The following PIAS2 variants were observed in gnomAD, a reference collection of about 807,000 sequenced individuals.
PIAS2 encodes the protein E3 SUMO-protein ligase PIAS2.
In PIAS2, 19 loss-of-function variants were observed where a neutral mutation model predicts 69.7. The observed-to-expected ratio is 0.27, with a 90% CI of 0.19 to 0.40. PIAS2 has a LOEUF of 0.40. Ranked by LOEUF, PIAS2 falls within the 10% of genes least tolerant of loss-of-function variation. The pLI is 1.00. For missense variants in PIAS2, 624 were observed against 757.0 expected, an observed-to-expected ratio of 0.82 and a Z score of 2.06; for synonymous variants, 261 against 263.2, an observed-to-expected ratio of 0.99 and a Z score of 0.08.
chr18:46,917,360 G>GGGCGTCGCCGCCGCT lies in PIAS2; in HGVS notation c.-16_-15insAGCGGCGGCGACGCC, dbSNP rs1481069983. 6.8e-7 allele frequency: 1 copy of GGGCGTCGCCGCCGCT among 1,460,982 alleles called. No homozygotes were observed. Among genetic ancestry groups the GGGCGTCGCCGCCGCT allele is most frequent in the Non-Finnish European group, 9.1e-7 (1 of 1,101,014 alleles). The allele number at this position is 1,460,982 out of a possible 1,614,324, so 90.5% of individuals were successfully genotyped here. A position where few individuals can be genotyped will look rare whatever the true frequency, so the allele number is the denominator to read the frequency against. ...AAATCCGCCATTTTATACCACCCGCGGGCGCCGCCGCCGCTGCCGCCGCAC... is the reference window on the plus strand; with the variant it reads ...AAATCCGCCATTTTATACCACCCGCGGGCGTCGCCGCCGCTGGCGCCGCCGCCGCTGCCGCCGCAC... On this transcript the variant is annotated 5_prime_UTR_variant, in exon 1 of 14. Transcript: ENST00000585916.
rs958050568 is a variant in PIAS2 at position 46,812,271 on chromosome 18, T to C, written c.*162A>G. On this transcript the variant is annotated 3_prime_UTR_variant, in exon 14 of 14. Transcript: ENST00000585916. Reference sequence around the variant, plus strand: ...ATCCTTGCATGTCATTTGGTTCTTGTTGCAGTCTTCTGTGTTCACCCCTCA... The same window carrying C: ...ATCCTTGCATGTCATTTGGTTCTTGCTGCAGTCTTCTGTGTTCACCCCTCA... 13 of 543,812 alleles carry C rather than the reference T, an allele frequency of 2.4e-5. No individual in the cohort carries two copies. Among genetic ancestry groups the C allele is most frequent in the Non-Finnish European group, 3.6e-5 (11 of 306,676 alleles). 33.7% of individuals were successfully genotyped at this position (543,812 alleles called of 1,614,324 possible).
chr18:46,868,422 G>T lies in PIAS2; in HGVS notation c.500-4174C>A, dbSNP rs561314006. Among the ~76,000 whole-genome samples, 3 of 152,192 alleles carry T rather than the reference G, an allele frequency of 2.0e-5. 1 individual carries two copies. The South Asian group carries it at 6.2e-4, about 32-fold the overall frequency. ...TCTTGCTGAGACAGCTCTCCCTGCC[G>T]AAACTACCCTTCCCGCCTTTGCCGC... is the stretch of plus-strand genomic sequence containing the variant. On this transcript the variant is annotated intron_variant, in intron 2 of 13. Transcript: ENST00000585916.
intron 13 of PIAS2, among the ~76,000 whole-genome samples, chr18:46,814,309 A>G (rs2041275365): frequency 6.6e-6 from 1 of 152,200 alleles, no homozygotes; most frequent in South Asian, 2.1e-4. Flanking sequence ...CTAAATATAC[A>G]AAACAGAGCT....
At chr18:46,862,644 T>C (rs2048837331) in intron 3 of PIAS2, among the ~76,000 whole-genome samples, 1 of 151,722 alleles carries the variant, frequency 6.6e-6, no homozygotes, top group Non-Finnish European at 1.5e-5. Context: ...TACATATATA[T>C]ACACATATAT....
At chr18:46,916,290 T>C (rs2146369637) in intron 1 of PIAS2, among the ~76,000 whole-genome samples, 1 of 152,250 alleles carries the variant, frequency 6.6e-6, no homozygotes, top group East Asian at 1.9e-4. Context: ...CTGAACCTTT[T>C]ACCGGATTCC....
chr18:46,910,680 A>G (rs1344398997), intron 1 of PIAS2, among the ~76,000 whole-genome samples: 1 of 152,256 alleles, frequency 6.6e-6, no homozygotes, highest in Non-Finnish European at 1.5e-5. Flanking sequence ...AACCTTTCAG[A>G]ATGTAAACAA....
chr18:46,878,672 C>A (rs2145825762), intron 2 of PIAS2, among the ~76,000 whole-genome samples: 1 of 152,296 alleles, frequency 6.6e-6, no homozygotes, highest in East Asian at 1.9e-4. Flanking sequence ...AGTTCGAGAC[C>A]AGCCTGGCCA....
intron 6 of PIAS2, chr18:46,846,483 A>G (rs1482163630): frequency 2.8e-6 from 1 of 357,738 alleles, no homozygotes; most frequent in African/African-American, 2.1e-5. Context: ...AAATATGCAT[A>G]TTTCCTTTCC....
chr18:46,894,749 G>A (rs1189764422), intron 1 of PIAS2, among the ~76,000 whole-genome samples: 1 of 152,092 alleles, frequency 6.6e-6, no homozygotes, highest in African/African-American at 2.4e-5. Context: ...ATGAAGGCAA[G>A]CTGAAGGTGC....
At position 46,917,492 on chromosome 18, in the gene PIAS2, G is replaced by T; in HGVS notation, c.-147C>A. On this transcript the variant is annotated 5_prime_UTR_variant, in exon 1 of 14. It adds an upstream start codon to the 5' untranslated region. Transcript: ENST00000585916. ...AGACGCCGCGGCCGCCGCCGCTACA[G>T]CCGGGCCCGTCACGTGAACGGCGCG... is the stretch of plus-strand genomic sequence containing the variant. 1.7e-6 allele frequency: 2 copies of T among 1,198,128 alleles called. No individual in the cohort carries two copies. Among genetic ancestry groups the T allele is most frequent in the East Asian group, 3.7e-5 (1 of 26,780 alleles). 74.2% of individuals were successfully genotyped at this position (1,198,128 alleles called of 1,614,324 possible).
At chr18:46,857,992 G>A (rs987798486) in intron 3 of PIAS2, among the ~76,000 whole-genome samples, 10 of 152,166 alleles carry the variant, frequency 6.6e-5, no homozygotes, top group Non-Finnish European at 1.3e-4. Context: ...TAAGTACATG[G>A]CACAGTGAGA....
intron 2 of PIAS2, among the ~76,000 whole-genome samples, chr18:46,879,711 A>G (rs2051873258): frequency 6.6e-6 from 1 of 152,200 alleles, no homozygotes; most frequent in Admixed American, 6.5e-5. Context: ...ATACAATAGA[A>G]TATTACTATG....
chr18:46,872,205 C>T (rs892015722), intron 2 of PIAS2, among the ~76,000 whole-genome samples: 11 of 152,202 alleles, frequency 7.2e-5, no homozygotes, highest in Admixed American at 7.2e-4. Flanking sequence ...GAGCTATTAA[C>T]TAAACAGTCC....
Position 46,890,935 on chromosome 18 carries a change from G to A in PIAS2, c.144C>T (p.Gly48=). Reference sequence around the variant, plus strand: ...TTTTAATCTGAACCGCAGGGCTGCAGCCGCTCTTCAATAAATGCAGCGCCC... The same window carrying A: ...TTTTAATCTGAACCGCAGGGCTGCAACCGCTCTTCAATAAATGCAGCGCCC... ...LMRALHLLKS[G]CSPAVQIKIR... The change falls in exon 2 of 14, where the codon GGC becomes GGT. Residue 48 remains glycine (G), a synonymous_variant. Transcript: ENST00000585916. 1 of 1,614,148 alleles carries A rather than the reference G, an allele frequency of 6.2e-7. No individual in the cohort carries two copies. Among genetic ancestry groups the A allele is most frequent in the Non-Finnish European group, 8.5e-7 (1 of 1,179,982 alleles).
At position 46,890,743 on chromosome 18, in the gene PIAS2, G is replaced by A. The variant is rs113887072; in HGVS notation, c.336C>T (p.His112=). The A allele has an allele frequency of 3.2e-3, 5,135 of 1,614,166 alleles. 87 individuals carry two copies. The African/African-American group carries it at 0.04, about 13-fold the overall frequency. Residue 112 remains histidine (H), a synonymous_variant, in exon 2 of 14, where the codon CAC becomes CAT. Coordinates refer to ENST00000585916, the MANE Select transcript of PIAS2 (RefSeq NM_004671.5). ...HSLPSTSVTP[H]SPSSPVGSVL... ...CAGAACCAACAGGAGAGGATGGTGA[G>A]TGAGGTGTAACTGAAGTGGAAGGCA...
chr18:46,847,029 A>G (rs1012536884), intron 5 of PIAS2, among the ~76,000 whole-genome samples, 188 bp from the exon 6 acceptor site: 10 of 152,178 alleles, frequency 6.6e-5, no homozygotes, highest in Non-Finnish European at 1.5e-4. Context: ...AGGTTACAAA[A>G]TATTTCACAA....
At chr18:46,910,015 C>T (rs182328138) in intron 1 of PIAS2, among the ~76,000 whole-genome samples, 5 of 151,862 alleles carry the variant, frequency 3.3e-5, no homozygotes, top group African/African-American at 7.3e-5. Context: ...AAAAATTAGC[C>T]GGGCATGGTG....
At chr18:46,828,416 G>C (rs1426599486) in intron 10 of PIAS2, among the ~76,000 whole-genome samples, 1 of 152,164 alleles carries the variant, frequency 6.6e-6, no homozygotes, top group African/African-American at 2.4e-5. Context: ...TGAAGGATTT[G>C]TGCAGCTCCT....
chr18:46,841,075 G>A (rs1391083268), intron 8 of PIAS2, among the ~76,000 whole-genome samples: 1 of 151,698 alleles, frequency 6.6e-6, no homozygotes, highest in East Asian at 1.9e-4. Context: ...ACCTCTGCAG[G>A]ACAGACTGAA....
Sources: gnomAD v4.1 joint callset for allele counts (sites outside exome capture counted in the v4.1 genomes callset) on GRCh38, gnomAD v4.1.1 for gene constraint, MANE v1.5 for transcripts, NCBI Gene and HGNC (gene_info 2026-07-23, HGNC 2026-07-21) for gene names.